The following MELK variants were observed in gnomAD, a reference collection of about 807,000 sequenced individuals.
MELK encodes maternal embryonic leucine zipper kinase.
MELK carries 81 observed loss-of-function variants against 85.0 expected under a neutral mutation model. The ratio of observed to expected loss-of-function variants is 0.95; its 90% CI spans 0.80 to 1.15. MELK has a LOEUF of 1.15. MELK is among the 50% of genes most tolerant of loss of function. MELK has a pLI of 0.00. For synonymous variants in MELK, 252 were observed against 265.0 expected, an observed-to-expected ratio of 0.95 and a Z score of 0.48; for missense variants, 754 against 777.5, an observed-to-expected ratio of 0.97 and a Z score of 0.36.
In MELK at chr9:36,657,383, AT is replaced by A. The variant is rs767285957; in HGVS notation, c.1176+23del. 4 of 1,583,456 alleles carry A rather than the reference AT, an allele frequency of 2.5e-6. No individual in the cohort carries two copies. In the Admixed American group the frequency reaches 7.6e-5, roughly 30 times the overall value. On this transcript the variant is annotated intron_variant, in intron 13 of 17. Transcript: ENST00000298048. ...TCACAGGTTCGTCATTCTTATTACT[AT>A]TTAAGGCAGAATCTATTGTTTCAAT...
At chr9:36,590,830 C>G (rs1823460053) in intron 4 of MELK, among the ~76,000 whole-genome samples, 1 of 152,060 alleles carries the variant, frequency 6.6e-6, no homozygotes, top group South Asian at 2.1e-4. Flanking sequence ...AATCCCAGCA[C>G]TTTGGGAGGC....
At chr9:36,631,619 A>G (rs1828631282) in intron 9 of MELK, among the ~76,000 whole-genome samples, 1 of 152,020 alleles carries the variant, frequency 6.6e-6, no homozygotes, top group Admixed American at 6.6e-5. Context: ...TCTGTCGCCC[A>G]GGCTGGAGTG....
intron 11 of MELK, among the ~76,000 whole-genome samples, chr9:36,650,847 GA>G: frequency 6.6e-6 from 1 of 152,224 alleles, no homozygotes; most frequent in African/African-American, 2.4e-5. Flanking sequence ...ACATCAGGTG[GA>G]ATCTCTCTAA....
intron 12 of MELK, among the ~76,000 whole-genome samples, chr9:36,655,085 G>A (rs1412462343): frequency 6.6e-6 from 1 of 152,166 alleles, no homozygotes; most frequent in Non-Finnish European, 1.5e-5. Context: ...AAATAACCAC[G>A]TCATCATCAT....
chr9:36,600,078 A>G (rs983232992), intron 7 of MELK, among the ~76,000 whole-genome samples: 9 of 150,304 alleles, frequency 6.0e-5, no homozygotes, highest in African/African-American at 2.0e-4. Context: ...GACATGTCCA[A>G]ATCTTTTTTT....
At chr9:36,589,493 C>T (rs878944467) in intron 3 of MELK, 43 bp from the exon 4 acceptor site, 1 of 1,488,928 alleles carries the variant, frequency 6.7e-7, no homozygotes, top group South Asian at 1.1e-5. Flanking sequence ...GGAACACCAC[C>T]TGAATAAGTT....
chr9:36,669,336 C>T lies in MELK; in HGVS notation c.1435C>T (p.Pro479Ser). Residue 479 changes from proline (P) to serine (S), a missense_variant, in exon 15 of 18, where the codon CCA (proline) becomes TCA (serine). Coordinates refer to ENST00000298048, the MANE Select transcript of MELK (RefSeq NM_014791.4). ...KARNQCLKETPIKIPVNSTGT... is the reference protein window; with the variant it reads ...KARNQCLKETSIKIPVNSTGT... ...TAGAAACCAGTGCCTGAAAGAAACT[C>T]CAATTAAAATACCAGTAAATTCAAC... is the stretch of plus-strand genomic sequence containing the variant. 1.2e-6 allele frequency: 2 copies of T among 1,609,178 alleles called. No homozygotes were observed. Among genetic ancestry groups the T allele is most frequent in the South Asian group, 1.1e-5 (1 of 89,970 alleles).
rs760906103 is a variant in MELK at position 36,643,047 on chromosome 9, A to G, written c.885A>G (p.Arg295=). The part of the protein sequence containing the change: ...DCVTELSVHH[R]NNRQTMEDLI... ...TAACAGAACTTTCTGTACATCACAG[A>G]AACAACAGGCAAACAATGGAGGATT... The change falls in exon 11 of 18, where the codon AGA becomes AGG. Residue 295 remains arginine, a synonymous_variant. Transcript: ENST00000298048. The G allele has an allele frequency of 1.5e-5, 25 of 1,613,406 alleles. No homozygotes were observed. Among genetic ancestry groups the G allele is most frequent in the Non-Finnish European group, 1.9e-5 (23 of 1,179,748 alleles).
At chr9:36,644,664 G>T (rs1373847773) in intron 11 of MELK, among the ~76,000 whole-genome samples, 1 of 152,134 alleles carries the variant, frequency 6.6e-6, no homozygotes, top group Non-Finnish European at 1.5e-5. Flanking sequence ...AAAATAAATT[G>T]TAGGACATTT....
Position 36,644,209 on chromosome 9 carries a change from T to TTGTGTGTGTGTG in MELK, c.921+1158_921+1169dup, listed in dbSNP as rs55796800. Among the ~76,000 whole-genome samples, 686 of 145,392 alleles carry TTGTGTGTGTGTG rather than the reference T, an allele frequency of 4.7e-3. 7 individuals are homozygous for TTGTGTGTGTGTG. Among genetic ancestry groups the TTGTGTGTGTGTG allele is most frequent in the African/African-American group, 0.016 (630 of 39,060 alleles). On this transcript the variant is annotated intron_variant, in intron 11 of 17. Coordinates refer to ENST00000298048, the MANE Select transcript of MELK (RefSeq NM_014791.4). ...TCAGTCTCTAGATCATACCTGTGTT[T>TTGTGTGTGTGTG]TGTGTGTGTGTGTGTGTGTGTGTGT...
intron 8 of MELK, among the ~76,000 whole-genome samples, chr9:36,615,693 G>C (rs1243241217): frequency 3.4e-5 from 5 of 145,926 alleles, no homozygotes; most frequent in African/African-American, 1.1e-4. Flanking sequence ...CGGCCGGGCA[G>C]AGGCGCTCCT....
At chr9:36,605,905 A>G (rs1440665119) in intron 7 of MELK, among the ~76,000 whole-genome samples, 3 of 149,940 alleles carry the variant, frequency 2.0e-5, no homozygotes, top group Non-Finnish European at 3.0e-5. Context: ...GTGAGCTGAG[A>G]TTGTGCCACT....
intron 8 of MELK, among the ~76,000 whole-genome samples, chr9:36,627,510 TTCTC>T (rs199909779): frequency 5.4e-5 from 8 of 147,806 alleles, no homozygotes; most frequent in Non-Finnish European, 8.9e-5. Context: ...AGAGAACCCA[TTCTC>T]TCTCTCTCTC....
intron 13 of MELK, among the ~76,000 whole-genome samples, chr9:36,658,881 C>CTT (rs1284648686): frequency 1.7e-5 from 2 of 120,686 alleles, no homozygotes; most frequent in African/African-American, 3.3e-5. Context: ...TTTTTTTTTT[C>CTT]TATTTTTTTT....
In MELK at chr9:36,669,325, T is replaced by A; in HGVS notation, c.1424T>A (p.Leu475Gln). ...TTTCTAATAGCTAGAAACCAGTGCC[T>A]GAAAGAAACTCCAATTAAAATACCA... is the stretch of plus-strand genomic sequence containing the variant. ...TTPSKARNQC[L>Q]KETPIKIPVN... The change falls in exon 15 of 18, where the codon CTG becomes CAG. Residue 475 changes from leucine (L) to glutamine (Q), a missense_variant. Transcript: ENST00000298048. 1 of 1,608,778 alleles carries A rather than the reference T, an allele frequency of 6.2e-7. No individual in the cohort carries two copies. Among genetic ancestry groups the A allele is most frequent in the Non-Finnish European group, 8.5e-7 (1 of 1,177,644 alleles).
At chr9:36,620,762 G>T (rs867744038) in intron 8 of MELK, among the ~76,000 whole-genome samples, 15 of 151,528 alleles carry the variant, frequency 9.9e-5, no homozygotes, top group Non-Finnish European at 1.6e-4. Flanking sequence ...TATTGGCCAG[G>T]CTGGTCTCGA....
At chr9:36,659,457 A>G (rs1255782503) in intron 13 of MELK, among the ~76,000 whole-genome samples, 2 of 152,212 alleles carry the variant, frequency 1.3e-5, no homozygotes, top group East Asian at 1.9e-4. Flanking sequence ...GTTGTTGGTT[A>G]GTGACTTTTC....
At chr9:36,614,408 T>C (rs977936134) in intron 8 of MELK, among the ~76,000 whole-genome samples, 2 of 144,394 alleles carry the variant, frequency 1.4e-5, no homozygotes, top group African/African-American at 5.1e-5. Flanking sequence ...ATGTCTTTTT[T>C]AAAAAATTAT....
At chr9:36,635,937 C>T (rs767078801) in intron 10 of MELK, among the ~76,000 whole-genome samples, 7 of 151,612 alleles carry the variant, frequency 4.6e-5, no homozygotes, top group Non-Finnish European at 8.8e-5. Context: ...GCTGGGACTA[C>T]AGGCATGTGC....
Sources: gnomAD v4.1 joint callset for allele counts (sites outside exome capture counted in the v4.1 genomes callset) on GRCh38, gnomAD v4.1.1 for gene constraint, MANE v1.5 for transcripts, NCBI Gene and HGNC (gene_info 2026-07-23, HGNC 2026-07-21) for gene names.